OR3A2: variants seen among roughly 807,000 people sequenced by gnomAD.
The protein encoded by OR3A2 is olfactory receptor 3A2.
For missense variants in OR3A2, 318 were observed against 392.8 expected (o/e 0.81, Z 1.61); for synonymous variants, 126 against 159.3 (o/e 0.79, Z 1.57).
intron 2 of OR3A2, among the ~76,000 whole-genome samples, chr17:3,338,622 T>C (rs1357952253): frequency 6.6e-6 from 1 of 152,162 alleles, no homozygotes; most frequent in Admixed American, 6.5e-5. Flanking sequence ...TGTGTTCCAT[T>C]GGTCCATATC....
intron 1 of OR3A2, among the ~76,000 whole-genome samples, chr17:3,283,002 C>G (rs2048786618): frequency 6.6e-6 from 1 of 150,746 alleles, no homozygotes; most frequent in African/African-American, 2.5e-5. Flanking sequence ...CCTTCTTCCT[C>G]TCTTCTGCTC....
Position 3,360,595 on chromosome 17 carries a change from T to C in OR3A2, c.-179+23209A>G, listed in dbSNP as rs556843120. On this transcript the variant is annotated intron_variant, in intron 2 of 4. Transcript: ENST00000573491. ...AATCCATCTTGAATTAATTTTCGTA[T>C]AAGGTGTAAAGAAGGGATCCAGTTT... Among the ~76,000 whole-genome samples, 101 of 151,928 alleles carry C rather than the reference T, an allele frequency of 6.6e-4. 4 individuals carry two copies. Among genetic ancestry groups the C allele is most frequent in the African/African-American group, 2.5e-3 (101 of 41,194 alleles).
At chr17:3,374,285 C>A (rs2049660139) in intron 2 of OR3A2, among the ~76,000 whole-genome samples, 1 of 152,150 alleles carries the variant, frequency 6.6e-6, no homozygotes, top group Non-Finnish European at 1.5e-5. Context: ...AGGTGATGAT[C>A]TTTTCGCAAT....
At chr17:3,333,229 T>A (rs1036267590) in intron 3 of OR3A2, among the ~76,000 whole-genome samples, 24 of 152,182 alleles carry the variant, frequency 1.6e-4, no homozygotes, top group Non-Finnish European at 2.2e-4. Context: ...CGCCCTGGTC[T>A]CCTGTAGTAC....
At chr17:3,304,919 G>A (rs1392993512) in intron 3 of OR3A2, among the ~76,000 whole-genome samples, 3 of 152,174 alleles carry the variant, frequency 2.0e-5, no homozygotes, top group Non-Finnish European at 4.4e-5. Flanking sequence ...TGCACTGTAC[G>A]ATTCCACTTA....
intron 3 of OR3A2, among the ~76,000 whole-genome samples, chr17:3,294,198 G>A (rs28854889): frequency 0.19 from 28,439 of 151,558 alleles, 4,160 homozygotes; most frequent in African/African-American, 0.41. Context: ...AACTTAAGGA[G>A]GCATTTTCTG....
rs3037631 is a variant in OR3A2 at position 3,355,428 on chromosome 17, T to TTCTCTC, written c.-178-19308_-178-19303dup. Among the ~76,000 whole-genome samples, 55 of 139,664 alleles carry TTCTCTC rather than the reference T, an allele frequency of 3.9e-4. 1 individual carries two copies. In the South Asian group the frequency reaches 4.2e-3, roughly 11 times the overall value. The allele number at this position is 139,664 out of a possible 152,430, so 91.6% of individuals were successfully genotyped here. On this transcript the variant is annotated intron_variant, in intron 2 of 4. Transcript: ENST00000573491. Reference sequence around the variant, plus strand: ...TCTCCCACTATTATCATGTTGGCATTTCTCTCTCTCTCTCTCTCTCTCTCT... The same window carrying TTCTCTC: ...TCTCCCACTATTATCATGTTGGCATTTCTCTCTCTCTCTCTCTCTCTCTCTCTCTCT...
chr17:3,319,823 C>A (rs1447610957), intron 3 of OR3A2, among the ~76,000 whole-genome samples: 2 of 152,154 alleles, frequency 1.3e-5, no homozygotes, highest in African/African-American at 2.4e-5. Context: ...GTGAATAGTG[C>A]TGCAATAAAC....
At chr17:3,315,825 T>A (rs2049078921) in intron 3 of OR3A2, among the ~76,000 whole-genome samples, 1 of 151,146 alleles carries the variant, frequency 6.6e-6, no homozygotes, top group Admixed American at 6.6e-5. Flanking sequence ...CTTCAGAGTG[T>A]CCCGTCATCC....
At chr17:3,326,000 C>T (rs937136114) in intron 3 of OR3A2, among the ~76,000 whole-genome samples, 1 of 152,014 alleles carries the variant, frequency 6.6e-6, no homozygotes, top group Non-Finnish European at 1.5e-5. Context: ...TCCATGTGCT[C>T]TCATAGTTCA....
intron 2 of OR3A2, among the ~76,000 whole-genome samples, chr17:3,376,471 T>C (rs887618050): frequency 0.012 from 3 of 250 alleles, no homozygotes; most frequent in Non-Finnish European, 0.023. Flanking sequence ...GCAGCCACTG[T>C]GGGGGACGGA....
chr17:3,358,360 G>C (rs2150657864), intron 2 of OR3A2, among the ~76,000 whole-genome samples: 1 of 151,528 alleles, frequency 6.6e-6, no homozygotes, highest in East Asian at 1.9e-4. Context: ...TCTTTGACTT[G>C]TGAAGTTATG....
chr17:3,314,417 T>A (rs907131963), intron 3 of OR3A2, among the ~76,000 whole-genome samples: 5 of 152,204 alleles, frequency 3.3e-5, no homozygotes, highest in African/African-American at 1.2e-4. Flanking sequence ...AAAGCATATA[T>A]TTGTTTAAAA....
At chr17:3,349,394 A>G (rs1424238313) in intron 2 of OR3A2, among the ~76,000 whole-genome samples, 2 of 151,996 alleles carry the variant, frequency 1.3e-5, no homozygotes, top group Non-Finnish European at 2.9e-5. Flanking sequence ...AGTCTCTGAT[A>G]AAACAGACTT....
intron 2 of OR3A2, among the ~76,000 whole-genome samples, chr17:3,367,097 G>C (rs2049570725): frequency 6.6e-6 from 1 of 152,108 alleles, no homozygotes; most frequent in Non-Finnish European, 1.5e-5. Flanking sequence ...CAGTCCCACT[G>C]GCTCACAAAA....
At chr17:3,321,796 G>T (rs1051470213) in intron 3 of OR3A2, among the ~76,000 whole-genome samples, 1 of 152,014 alleles carries the variant, frequency 6.6e-6, no homozygotes, top group African/African-American at 2.4e-5. Context: ...ATTTTATTGA[G>T]GATTTTTGCA....
upstream of OR3A2, among the ~76,000 whole-genome samples, chr17:3,288,410 A>T (rs747957606): frequency 6.6e-6 from 1 of 152,202 alleles, no homozygotes; most frequent in Non-Finnish European, 1.5e-5. Context: ...GCTATTTCAT[A>T]TAGCCTAGGT....
intron 3 of OR3A2, among the ~76,000 whole-genome samples, chr17:3,298,723 C>T (rs1007646773): frequency 1.3e-5 from 2 of 152,160 alleles, no homozygotes; most frequent in African/African-American, 4.8e-5. Context: ...GTCCTCACCT[C>T]GTTGTGGATA....
chr17:3,345,011 C>T (rs1810819120), intron 2 of OR3A2, among the ~76,000 whole-genome samples: 1 of 151,940 alleles, frequency 6.6e-6, no homozygotes, highest in African/African-American at 2.4e-5. Context: ...CTCAAGTGGG[C>T]TAAAGAGATA....
Sources: allele counts gnomAD v4.1 joint callset (sites outside exome capture counted in the v4.1 genomes callset), GRCh38; gene constraint gnomAD v4.1.1; transcripts MANE v1.5; gene names NCBI Gene and HGNC (gene_info 2026-07-23, HGNC 2026-07-21).